The following FBXO42 variants were observed in gnomAD, a reference collection of about 807,000 sequenced individuals.
FBXO42 encodes F-box only protein 42.
FBXO42 carries 12 observed loss-of-function variants against 71.7 expected under a neutral mutation model. The observed-to-expected ratio is 0.17, with a 90% CI of 0.11 to 0.27. The LOEUF is 0.27. FBXO42 is among the 10% of genes least tolerant of loss of function. The pLI, the probability that FBXO42 is intolerant of heterozygous loss-of-function variation, is 1.00. For synonymous variants in FBXO42, 325 were observed against 327.5 expected, an observed-to-expected ratio of 0.99 and a Z score of 0.08; for missense variants, 707 against 911.9, an observed-to-expected ratio of 0.78 and a Z score of 2.89.
At chr1:16,332,931 G>A (rs780259418) in intron 1 of FBXO42, among the ~76,000 whole-genome samples, 2 of 152,100 alleles carry the variant, frequency 1.3e-5, no homozygotes, top group Non-Finnish European at 2.9e-5. Flanking sequence ...GAAGAGTAGT[G>A]GCTTTTTCCA....
chr1:16,308,863 G>A (rs1416934223), intron 2 of FBXO42, among the ~76,000 whole-genome samples: 1 of 149,836 alleles, frequency 6.7e-6, no homozygotes, highest in African/African-American at 2.5e-5. Flanking sequence ...CCTGCCTCAG[G>A]TTCCCAAGTA....
intron 3 of FBXO42, among the ~76,000 whole-genome samples, chr1:16,295,221 T>G (rs2082116333): frequency 6.6e-6 from 1 of 152,092 alleles, no homozygotes; most frequent in Admixed American, 6.6e-5. Context: ...ATGAGGGAAA[T>G]TTCAGCACAG....
intron 1 of FBXO42, among the ~76,000 whole-genome samples, chr1:16,347,104 CAG>C (rs1481894455): frequency 6.6e-6 from 1 of 152,046 alleles, no homozygotes; most frequent in Non-Finnish European, 1.5e-5. Flanking sequence ...ATACATTTAT[CAG>C]ATTTATATAG....
Position 16,317,093 on chromosome 1 carries a change from C to T in FBXO42, c.-17-1658G>A, listed in dbSNP as rs982863798. ...GTCAGGAGTTCAAAACCAGCCTGAC[C>T]AACATGGTGAAACTCCGTCTCTACT... is the stretch of plus-strand genomic sequence containing the variant. On this transcript the variant is annotated intron_variant, in intron 1 of 9. Transcript: ENST00000375592. 2.0e-5 allele frequency among the ~76,000 whole-genome samples: 3 copies of T among 152,066 alleles called. No homozygotes were observed. In the South Asian group the frequency reaches 6.2e-4, roughly 32 times the overall value.
In FBXO42 at chr1:16,255,702, T is replaced by G; in HGVS notation, c.767+9A>C. ...TCAGGCTCATATGGAGCAAACCAAATGTACTTACATTTGCCGGGATCCTAA... is the reference window on the plus strand; with the variant it reads ...TCAGGCTCATATGGAGCAAACCAAAGGTACTTACATTTGCCGGGATCCTAA... On this transcript the variant is annotated intron_variant, in intron 6 of 9. Transcript: ENST00000375592. 2.5e-6 allele frequency: 4 copies of G among 1,610,798 alleles called. No homozygotes were observed. The highest frequency in any genetic ancestry group is 3.4e-6 in the Non-Finnish European group (4 of 1,177,482).
At chr1:16,272,085 G>T (rs904292008) in intron 4 of FBXO42, among the ~76,000 whole-genome samples, 2 of 147,646 alleles carry the variant, frequency 1.4e-5, no homozygotes, top group African/African-American at 5.0e-5. Flanking sequence ...AATCTGGGAG[G>T]CGGAGGTTGC....
chr1:16,302,278 C>T (rs1569886680), intron 3 of FBXO42, among the ~76,000 whole-genome samples: 1 of 152,128 alleles, frequency 6.6e-6, no homozygotes, highest in Admixed American at 6.6e-5. Context: ...TGCGGTAGCT[C>T]AACGCCTGTA....
intron 4 of FBXO42, among the ~76,000 whole-genome samples, chr1:16,291,833 G>A (rs747956694): frequency 5.9e-5 from 9 of 151,990 alleles, no homozygotes; most frequent in African/African-American, 9.7e-5. Context: ...CATCATGCCC[G>A]GCTCATTTTT....
chr1:16,325,801 T>C (rs1387953480), intron 1 of FBXO42, among the ~76,000 whole-genome samples: 14 of 151,952 alleles, frequency 9.2e-5, no homozygotes, highest in African/African-American at 3.4e-4. Context: ...AATTTTTGTA[T>C]TTTTAGTAAA....
chr1:16,325,164 A>C (rs566539706), intron 1 of FBXO42, among the ~76,000 whole-genome samples: 2 of 151,660 alleles, frequency 1.3e-5, no homozygotes, highest in Non-Finnish European at 2.9e-5. Context: ...CTTGAGCCCG[A>C]GAGGTGGAGG....
rs2081543678 is a variant in FBXO42, at chr1:16,247,283, C to T, written c.*3387G>A. 6.6e-6 allele frequency: 1 copy of T among 152,188 alleles called. No individual in the cohort carries two copies. Among genetic ancestry groups the T allele is most frequent in the Non-Finnish European group, 1.5e-5 (1 of 68,086 alleles). The allele number at this position is 152,188 out of a possible 1,614,324, so 9.4% of individuals were successfully genotyped here. Reference sequence around the variant, plus strand: ...CACCACCAGGCGTGGTTAGATCCTCCCCACTGACTTGTGCGCTGGTAAGAG... The same window carrying T: ...CACCACCAGGCGTGGTTAGATCCTCTCCACTGACTTGTGCGCTGGTAAGAG... On this transcript the variant is annotated 3_prime_UTR_variant, in exon 10 of 10. Coordinates refer to ENST00000375592, the MANE Select transcript of FBXO42 (RefSeq NM_018994.3).
chr1:16,351,297 C>G (rs1202983036), intron 1 of FBXO42, among the ~76,000 whole-genome samples: 1 of 152,140 alleles, frequency 6.6e-6, no homozygotes, highest in Non-Finnish European at 1.5e-5. Flanking sequence ...CGAAGTCTCC[C>G]AATTAGCATT....
chr1:16,327,509 A>G (rs1030145632), intron 1 of FBXO42, among the ~76,000 whole-genome samples: 7 of 152,200 alleles, frequency 4.6e-5, no homozygotes, highest in African/African-American at 1.4e-4. Context: ...GAAGAAAAAC[A>G]TTAAAAGGAG....
At chr1:16,300,286 A>G (rs1310141214) in intron 3 of FBXO42, among the ~76,000 whole-genome samples, 3 of 152,220 alleles carry the variant, frequency 2.0e-5, no homozygotes, top group Non-Finnish European at 4.4e-5. Flanking sequence ...GTTTTCTGAA[A>G]TGGGCTTAGT....
chr1:16,319,167 G>A (rs954326774), intron 1 of FBXO42, among the ~76,000 whole-genome samples: 1 of 152,090 alleles, frequency 6.6e-6, no homozygotes, highest in African/African-American at 2.4e-5. Context: ...GGTGGGGAAG[G>A]AAACGAAGAG....
chr1:16,250,716 T>C lies in FBXO42; in HGVS notation c.2108A>G (p.Tyr703Cys). The C allele has an allele frequency of 6.2e-7, 1 of 1,614,168 alleles. No individual in the cohort carries two copies. The highest frequency in any genetic ancestry group is 8.5e-7 in the Non-Finnish European group (1 of 1,180,032). ...GLMDKKQNVK[Y>C]YPKTNALYFV... ...GTACAAGGCGTTTGTTTTTGGATAG[T>C]ACTTCACATTCTGTTTCTTGTCCAT... Residue 703 changes from tyrosine (Y) to cysteine (C), a missense_variant, in exon 10 of 10, where the codon TAC (tyrosine) becomes TGC (cysteine). Transcript: ENST00000375592. This position sits in a 1 kb window ranked among gnomAD's most constrained non-coding sequence, Gnocchi z 4.7.
At chr1:16,275,402 G>A (rs893513470) in intron 4 of FBXO42, among the ~76,000 whole-genome samples, 1 of 152,190 alleles carries the variant, frequency 6.6e-6, no homozygotes, top group Non-Finnish European at 1.5e-5. Context: ...GGGATCACTT[G>A]AGGCTAGGAG....
rs530849684 is a variant in FBXO42 at position 16,346,721 on chromosome 1, T to A, written c.-18+5534A>T. ...AAAAAAAAAAACAAGAGAAAATAAG[T>A]TACTAAGCTAAATTACTGTACTGAA... On this transcript the variant is annotated intron_variant, in intron 1 of 9. Transcript: ENST00000375592. Among the ~76,000 whole-genome samples the A allele has an allele frequency of 9.3e-4, 137 of 148,028 alleles. No individual in the cohort carries two copies. The Middle Eastern group carries it at 0.011, about 12-fold the overall frequency.
intron 3 of FBXO42, among the ~76,000 whole-genome samples, chr1:16,297,647 G>C (rs1477976104): frequency 2.7e-5 from 4 of 149,540 alleles, no homozygotes; most frequent in African/African-American, 9.9e-5. Context: ...AGATCATGAA[G>C]TCAGCAGATC....
Sources: gnomAD v4.1 joint callset for allele counts (sites outside exome capture counted in the v4.1 genomes callset) on GRCh38, gnomAD v4.1.1 for gene constraint, Gnocchi (gnomAD v3.1) non-coding constraint, MANE v1.5 for transcripts, NCBI Gene and HGNC (gene_info 2026-07-23, HGNC 2026-07-21) for gene names.